Variants in KATNIP observed in about 807,000 individuals in gnomAD.
KATNIP encodes katanin-interacting protein.
A neutral mutation model predicts 174.0 loss-of-function variants in KATNIP; 126 were observed. That is an observed-to-expected ratio of 0.72 (90% confidence interval 0.63 to 0.84). The LOEUF (loss-of-function observed/expected upper bound fraction) is 0.84, where lower values mean the gene tolerates loss of function less well. Ranked by LOEUF, KATNIP falls within the 40% of genes least tolerant of loss-of-function variation. KATNIP has a pLI of 0.00. For synonymous variants in KATNIP, 810 were observed against 835.7 expected (o/e 0.97, Z 0.53); for missense variants, 1,958 against 2,109.7 (o/e 0.93, Z 1.41).
At chr16:27,614,368 C>G (rs1364264436) in intron 2 of KATNIP, among the ~76,000 whole-genome samples, 1 of 152,158 alleles carries the variant, frequency 6.6e-6, no homozygotes, top group Non-Finnish European at 1.5e-5. Context: ...ACCATGTTGT[C>G]CAGGCTGGTC....
intron 5 of KATNIP, among the ~76,000 whole-genome samples, chr16:27,632,883 T>C (rs915966190): frequency 1.5e-4 from 23 of 152,176 alleles, no homozygotes; most frequent in Non-Finnish European, 2.8e-4. Context: ...CCCAAGTAGC[T>C]GGGATTACAG....
At chr16:27,690,601 A>G (rs1294523288) in intron 8 of KATNIP, among the ~76,000 whole-genome samples, 1 of 152,166 alleles carries the variant, frequency 6.6e-6, no homozygotes, top group Non-Finnish European at 1.5e-5. Context: ...GAGGCTTTGG[A>G]GCACTCAGGC....
chr16:27,672,731 A>G (rs1046968003), intron 6 of KATNIP, among the ~76,000 whole-genome samples: 4 of 152,202 alleles, frequency 2.6e-5, no homozygotes, highest in African/African-American at 9.6e-5. Flanking sequence ...AAGTTGGACC[A>G]GCATAAAGGC....
intron 4 of KATNIP, among the ~76,000 whole-genome samples, chr16:27,629,279 G>T (rs950120486): frequency 1.3e-5 from 2 of 152,004 alleles, no homozygotes; most frequent in Non-Finnish European, 2.9e-5. Context: ...ATGAGAAAGA[G>T]AAATCCTGTT....
At chr16:27,560,481 C>G (rs2089835130) in intron 1 of KATNIP, among the ~76,000 whole-genome samples, 1 of 152,052 alleles carries the variant, frequency 6.6e-6, no homozygotes. Flanking sequence ...TCATCTGGTG[C>G]TCACTTCTTC....
At chr16:27,551,001 A>G (rs995228151) in intron 1 of KATNIP, among the ~76,000 whole-genome samples, 3 of 152,204 alleles carry the variant, frequency 2.0e-5, no homozygotes, top group African/African-American at 7.2e-5. Context: ...GCTGCTCACC[A>G]AGCACCAGCT....
In KATNIP at chr16:27,635,650, C is replaced by T. The variant is rs913072281; in HGVS notation, c.408+4488C>T. The stretch of plus-strand genomic sequence containing the variant: ...AGGCTCAGTTCCTGCCTTTGAAGCT[C>T]GGGCTGTGAAGACATGGGGACTGCT... On this transcript the variant is annotated intron_variant, in intron 5 of 27. Transcript: ENST00000261588. 2.0e-4 allele frequency among the ~76,000 whole-genome samples: 30 copies of T among 151,766 alleles called. 1 individual carries two copies. The highest frequency in any genetic ancestry group is 1.7e-3 in the Admixed American group (26 of 15,240).
At chr16:27,703,751 C>T (rs1428496980) in intron 11 of KATNIP, 145 bp from the exon 12 acceptor site, 1 of 648,270 alleles carries the variant, frequency 1.5e-6, no homozygotes, top group Non-Finnish European at 2.8e-6. Context: ...AACAGCAAGC[C>T]TGCCCTTGCC....
chr16:27,618,734 C>G (rs148060128), intron 3 of KATNIP, among the ~76,000 whole-genome samples: 1 of 152,264 alleles, frequency 6.6e-6, no homozygotes, highest in East Asian at 1.9e-4. Context: ...ACCGCCTCTT[C>G]CCTCCCTGCT....
intron 3 of KATNIP, among the ~76,000 whole-genome samples, chr16:27,626,380 C>T (rs1044266806): frequency 1.1e-4 from 16 of 152,104 alleles, no homozygotes; most frequent in African/African-American, 3.4e-4. Context: ...AACAATTTGC[C>T]GGAATGTGCT....
In KATNIP at chr16:27,628,753, C is replaced by T. The variant is rs995416846; in HGVS notation, c.233C>T (p.Ser78Leu). ...TCTGTCTATGTCAACGGTGCCAATT[C>T]GGAGCTGAAATCATCACCGCGGAAA... ...GFSVYVNGAN[S>L]ELKSSPRKAI... The change falls in exon 4 of 28, where the codon TCG (serine) becomes TTG (leucine). Residue 78 changes from serine to leucine, a missense_variant. Physicochemically the swap from Ser to Leu is moderately radical, Grantham distance 145. Coordinates refer to ENST00000261588, the MANE Select transcript of KATNIP (RefSeq NM_015202.5). The T allele has an allele frequency of 3.7e-6, 6 of 1,614,076 alleles. No individual in the cohort carries two copies. Among genetic ancestry groups the T allele is most frequent in the Admixed American group, 1.7e-5 (1 of 60,006 alleles).
At chr16:27,661,673 G>A (rs977054481) in intron 6 of KATNIP, among the ~76,000 whole-genome samples, 3 of 151,260 alleles carry the variant, frequency 2.0e-5, no homozygotes, top group African/African-American at 7.3e-5. Flanking sequence ...GATTACAGGC[G>A]TGAGCCACTG....
chr16:27,741,030 G>A (rs1481195771), intron 15 of KATNIP, 110 bp downstream of exon 15: 1 of 1,163,598 alleles, frequency 8.6e-7, no homozygotes, highest in Non-Finnish European at 1.2e-6. Flanking sequence ...CAACAAGATG[G>A]TTGTTCTCAA....
rs34034289 is a variant in KATNIP at position 27,715,976 on chromosome 16, T to TA, written c.1606-5568dup. Reference sequence around the variant, plus strand: ...GGATAACTAAAAACATACATTTATTTAAAAAAAAAAAAAACTTGTACATGC... The same window carrying TA: ...GGATAACTAAAAACATACATTTATTTAAAAAAAAAAAAAAACTTGTACATGC... On this transcript the variant is annotated intron_variant, in intron 13 of 27. Transcript: ENST00000261588. Among the ~76,000 whole-genome samples, 363 of 143,700 alleles carry TA rather than the reference T, an allele frequency of 2.5e-3. 2 individuals carry two copies. The highest frequency in any genetic ancestry group is 4.8e-3 in the African/African-American group (192 of 39,652). 94.3% of individuals were successfully genotyped at this position (143,700 alleles called of 152,430 possible).
At chr16:27,679,447 G>A (rs2078245065) in intron 7 of KATNIP, among the ~76,000 whole-genome samples, 1 of 152,082 alleles carries the variant, frequency 6.6e-6, no homozygotes, top group South Asian at 2.1e-4. Flanking sequence ...CTGGCGGCTA[G>A]GATTTCAATG....
Position 27,704,662 on chromosome 16 carries a change from G to A in KATNIP, c.1389+664G>A, listed in dbSNP as rs527682234. ...TCAGGAAAGTATAATACATCAGCAC[G>A]ATGCAGTAGTATAAAAGGATGGAAG... On this transcript the variant is annotated intron_variant, in intron 12 of 27. Transcript: ENST00000261588. 7.2e-5 allele frequency among the ~76,000 whole-genome samples: 11 copies of A among 152,198 alleles called. No homozygotes were observed. The South Asian group carries it at 2.3e-3, about 32-fold the overall frequency.
intron 5 of KATNIP, chr16:27,631,398 C>A (rs534970751): frequency 2.0e-6 from 1 of 488,042 alleles, no homozygotes; most frequent in Non-Finnish European, 3.7e-6. Context: ...ATAAAAAATT[C>A]GCCAGGTGTG....
intron 5 of KATNIP, among the ~76,000 whole-genome samples, chr16:27,642,031 G>A (rs1194744443): frequency 6.6e-6 from 1 of 152,222 alleles, no homozygotes; most frequent in East Asian, 1.9e-4. Context: ...GATGTAAATT[G>A]AGTAGTTTCT....
At chr16:27,656,836 T>C (rs1025306779) in intron 6 of KATNIP, among the ~76,000 whole-genome samples, 1 of 149,350 alleles carries the variant, frequency 6.7e-6, no homozygotes, top group Non-Finnish European at 1.5e-5. Flanking sequence ...TACCTAATGC[T>C]AGATGACGAG....
Sources: gnomAD v4.1 joint callset for allele counts (sites outside exome capture counted in the v4.1 genomes callset) on GRCh38, gnomAD v4.1.1 for gene constraint, MANE v1.5 for transcripts, NCBI Gene and HGNC (gene_info 2026-07-23, HGNC 2026-07-21) for gene names.